Variants in REDIC1 observed in about 807,000 individuals in gnomAD.
The protein encoded by REDIC1 is HEI10 Interacting Protein 1.
At chr12:39,790,528 G>T in the REDIC1 span, among the ~76,000 whole-genome samples, 1 of 150,448 alleles carries the variant, frequency 6.6e-6, no homozygotes, top group African/African-American at 2.4e-5. Context: ...TTTCATCCAT[G>T]TCCCTACAAA....
the REDIC1 span, among the ~76,000 whole-genome samples, chr12:39,884,247 G>T: frequency 1.3e-5 from 2 of 152,184 alleles, no homozygotes; most frequent in East Asian, 3.9e-4. Flanking sequence ...GAGATTACAG[G>T]CATGAGCCAC....
the REDIC1 span, among the ~76,000 whole-genome samples, chr12:39,652,313 G>A: frequency 3.9e-5 from 6 of 152,060 alleles, no homozygotes; most frequent in East Asian, 3.8e-4. Flanking sequence ...AAAAACTACC[G>A]AACTATTTTC....
At chr12:39,645,407 G>A in the REDIC1 span, among the ~76,000 whole-genome samples, 3 of 152,000 alleles carry the variant, frequency 2.0e-5, no homozygotes, top group African/African-American at 7.2e-5. Context: ...GAAGAGTGAT[G>A]GTGCAGTGGG....
At chr12:39,756,880 AGTCG>A in the REDIC1 span, 1 of 151,682 alleles carries the variant, frequency 6.6e-6, no homozygotes, top group Admixed American at 6.6e-5. Context: ...ATGAAAAAAT[AGTCG>A]GTATTCTCAT....
chr12:39,824,762 G>C, the REDIC1 span, among the ~76,000 whole-genome samples: 2 of 152,106 alleles, frequency 1.3e-5, no homozygotes, highest in Non-Finnish European at 2.9e-5. Context: ...GGGAGTGCTA[G>C]AGGGCAGCAG....
the REDIC1 span, among the ~76,000 whole-genome samples, chr12:39,741,784 T>A: frequency 1.3e-5 from 2 of 152,138 alleles, no homozygotes; most frequent in Non-Finnish European, 2.9e-5. Context: ...TAATTTGTAA[T>A]TGGTTAAAGG....
chr12:39,880,551 T>C, the REDIC1 span, among the ~76,000 whole-genome samples: 194 of 152,268 alleles, frequency 1.3e-3, no homozygotes, highest in African/African-American at 4.4e-3. Flanking sequence ...CAAGCAATGA[T>C]ACAAAAATCA....
At chr12:39,706,733 G>A in the REDIC1 span, among the ~76,000 whole-genome samples, 2 of 151,928 alleles carry the variant, frequency 1.3e-5, no homozygotes, top group Non-Finnish European at 2.9e-5. Context: ...TTTTGATAGA[G>A]GTGCCAAGAA....
At chr12:39,648,720 G>A in the REDIC1 span, among the ~76,000 whole-genome samples, 7 of 150,546 alleles carry the variant, frequency 4.6e-5, no homozygotes, top group African/African-American at 1.7e-4. Flanking sequence ...GCATGCAGTG[G>A]TTTTATGACA....
the REDIC1 span, chr12:39,720,878 T>C: frequency 1.9e-6 from 3 of 1,613,122 alleles, no homozygotes; most frequent in South Asian, 2.2e-5. Flanking sequence ...AATTTTTATG[T>C]AGAAAGGATG....
At chr12:39,733,821 G>A in the REDIC1 span, among the ~76,000 whole-genome samples, 1 of 152,232 alleles carries the variant, frequency 6.6e-6, no homozygotes, top group African/African-American at 2.4e-5. Context: ...CAAGCCAGCG[G>A]ATCTTATCTT....
chr12:39,635,073 C>A, the REDIC1 span, among the ~76,000 whole-genome samples: 2 of 152,206 alleles, frequency 1.3e-5, no homozygotes, highest in East Asian at 3.9e-4. Flanking sequence ...CAGAGAAATG[C>A]AAATCAAAAC....
chr12:39,683,397 A>G, the REDIC1 span: 377 of 1,537,854 alleles, frequency 2.5e-4, 3 homozygotes, highest in African/African-American at 4.3e-3. Flanking sequence ...AACTCGGTGC[A>G]TACTTTTATT....
At chr12:39,736,134 G>A in the REDIC1 span, among the ~76,000 whole-genome samples, 1 of 152,210 alleles carries the variant, frequency 6.6e-6, no homozygotes, top group Admixed American at 6.5e-5. Flanking sequence ...AGAGCATAGA[G>A]CTAAGACCCA....
At chr12:39,757,863 AC>A in the REDIC1 span, 3 of 152,296 alleles carry the variant, frequency 2.0e-5, no homozygotes, top group Non-Finnish European at 1.5e-5. Context: ...AGTTAAGGCT[AC>A]ATATACAATA....
At chr12:39,790,460 A>C in the REDIC1 span, among the ~76,000 whole-genome samples, 2 of 148,360 alleles carry the variant, frequency 1.3e-5, no homozygotes, top group African/African-American at 5.0e-5. Context: ...ATGAGTGAGA[A>C]TATGCGGTGT....
At chr12:39,743,046 T>C in the REDIC1 span, among the ~76,000 whole-genome samples, 7 of 132,828 alleles carry the variant, frequency 5.3e-5, no homozygotes, top group African/African-American at 2.0e-4. Flanking sequence ...AAACCAGGTT[T>C]ATAGAGTGAC....
the REDIC1 span, among the ~76,000 whole-genome samples, chr12:39,700,009 G>A: frequency 6.6e-6 from 1 of 152,134 alleles, no homozygotes; most frequent in African/African-American, 2.4e-5. Flanking sequence ...CAGAAAAACT[G>A]GAAACTCTAA....
chr12:39,768,846 A>G, the REDIC1 span, among the ~76,000 whole-genome samples: 2 of 152,124 alleles, frequency 1.3e-5, no homozygotes, highest in African/African-American at 2.4e-5. Flanking sequence ...GTGACAATAG[A>G]CTGGCTTGAT....
Sources: gnomAD v4.1 joint callset for allele counts (sites outside exome capture counted in the v4.1 genomes callset) on GRCh38, gnomAD v4.1.1 for gene constraint, MANE v1.5 for transcripts, NCBI Gene and HGNC (gene_info 2026-07-23, HGNC 2026-07-21) for gene names.